The following TASOR variants were observed in gnomAD, a reference collection of about 807,000 sequenced individuals.
The protein encoded by TASOR is transcription activation suppressor.
A neutral mutation model predicts 178.6 loss-of-function variants in TASOR; 53 were observed. The observed-to-expected ratio is 0.30, with a 90% CI of 0.24 to 0.37. The LOEUF is 0.37. Ranked by LOEUF, TASOR falls within the 10% of genes least tolerant of loss-of-function variation. The probability of loss-of-function intolerance (pLI) is 1.00; values close to 1 mark genes in which losing one functional copy is unlikely to be tolerated. For synonymous variants in TASOR, 713 were observed against 696.2 expected (o/e 1.02, Z -0.38); for missense variants, 1,815 against 1,971.4 (o/e 0.92, Z 1.50).
At chr3:56,631,576 G>GTTTTT (rs796072760) in intron 18 of TASOR, among the ~76,000 whole-genome samples, 6 of 111,018 alleles carry the variant, frequency 5.4e-5, no homozygotes, top group South Asian at 2.9e-4. Flanking sequence ...GTGTGTCTGT[G>GTTTTT]TTTTTTTGTT....
Position 56,646,795 on chromosome 3 carries a change from T to A in TASOR, c.1942A>T (p.Thr648Ser), listed in dbSNP as rs2107579020. ...TTTCGTTTTCCAAATTTCATTTTTG[T>A]ACCATTCATTTCTTCTTCTTGACCT... ...YEGQEEEMNGTKMKFGKRNNS... is the reference protein window; with the variant it reads ...YEGQEEEMNGSKMKFGKRNNS... Residue 648 changes from threonine to serine, a missense_variant, in exon 14 of 24, where the codon ACA becomes TCA. Transcript: ENST00000683822. 6.2e-7 allele frequency: 1 copy of A among 1,613,812 alleles called. No homozygotes were observed. Among genetic ancestry groups the A allele is most frequent in the Non-Finnish European group, 8.5e-7 (1 of 1,179,958 alleles).
chr3:56,661,779 A>G (rs770263322), intron 9 of TASOR, among the ~76,000 whole-genome samples: 1 of 151,392 alleles, frequency 6.6e-6, no homozygotes, highest in Non-Finnish European at 1.5e-5. Flanking sequence ...ATAAAAAAAT[A>G]TATCTACTTA....
At chr3:56,647,437 C>T (rs1312806358) in intron 13 of TASOR, among the ~76,000 whole-genome samples, 1 of 151,972 alleles carries the variant, frequency 6.6e-6, no homozygotes, top group Non-Finnish European at 1.5e-5. Flanking sequence ...CAATAAGAAA[C>T]TAAAACAAAT....
chr3:56,672,978 G>A (rs374548713), intron 2 of TASOR, among the ~76,000 whole-genome samples: 18 of 152,014 alleles, frequency 1.2e-4, no homozygotes, highest in African/African-American at 7.2e-5. Flanking sequence ...GTGCCACCAC[G>A]CCTAGCTAAT....
Position 56,682,812 on chromosome 3 carries a change from G to C in TASOR, c.195C>G (p.Ala65=). ...GCTGCTCGTGGCTGAGGCTCTGGGC[G>C]GCCTCGGCCCCCGCGTTCTCCTCAC... ...AGREENAGAE[A]AQSLSHEQPQ... Residue 65 remains alanine (A), a synonymous_variant, in exon 1 of 24, where the codon GCC becomes GCG. Coordinates refer to ENST00000683822, the MANE Select transcript of TASOR (RefSeq NM_001365635.2). 6.5e-7 allele frequency: 1 copy of C among 1,550,386 alleles called. No homozygotes were observed. Among genetic ancestry groups the C allele is most frequent in the Admixed American group, 2.0e-5 (1 of 50,942 alleles).
chr3:56,634,751 CACTCTTG>C (rs2076983978), intron 17 of TASOR, among the ~76,000 whole-genome samples: 1 of 152,172 alleles, frequency 6.6e-6, no homozygotes, highest in Non-Finnish European at 1.5e-5. Flanking sequence ...TAAAACCTTT[CACTCTTG>C]ACAAACAGCT....
intron 14 of TASOR, among the ~76,000 whole-genome samples, chr3:56,643,366 A>G (rs2077167727): frequency 6.6e-6 from 1 of 152,190 alleles, no homozygotes; most frequent in Non-Finnish European, 1.5e-5. Context: ...CTGTACCTCA[A>G]AACAGTTTAT....
intron 18 of TASOR, among the ~76,000 whole-genome samples, chr3:56,630,012 C>T (rs917218929): frequency 1.3e-5 from 2 of 150,552 alleles, no homozygotes; most frequent in African/African-American, 4.9e-5. Flanking sequence ...GTCACCCAGG[C>T]TGCAGTGCAG....
chr3:56,628,708 T>G, intron 18 of TASOR, 94 bp from the exon 19 acceptor site: 1 of 790,434 alleles, frequency 1.3e-6, no homozygotes, highest in South Asian at 1.9e-5. Flanking sequence ...TAAGCTTAAC[T>G]ACTACCATGA....
Position 56,623,246 on chromosome 3 carries a change from A to G in TASOR, c.4804T>C (p.Leu1602=), listed in dbSNP as rs1414198634. The G allele has an allele frequency of 2.5e-6, 4 of 1,613,498 alleles. No homozygotes were observed. Among genetic ancestry groups the G allele is most frequent in the East Asian group, 4.5e-5 (2 of 44,832 alleles). Residue 1602 remains leucine (L), a synonymous_variant, in exon 24 of 24, where the codon TTA becomes CTA. Transcript: ENST00000683822. ...YSNFQVYHSQ[L]NMSHQFSHFN... is the part of the protein sequence containing the mutation. ...TGACTAAACTGATGGGACATATTTA[A>G]TTGACTATGATAAACCTGAAAGTTA...
rs776915441 is a variant in TASOR, at chr3:56,621,520, A to G, written c.*1517T>C. The G allele has an allele frequency of 2.6e-5, 40 of 1,561,220 alleles. No individual in the cohort carries two copies. Among genetic ancestry groups the G allele is most frequent in the Non-Finnish European group, 3.3e-5 (38 of 1,149,110 alleles). On this transcript the variant is annotated 3_prime_UTR_variant, in exon 24 of 24. Transcript: ENST00000683822. ...ACATTTTACTAACAAACATATATCA[A>G]TGTGATTTCAGGGCCTTCTCCAGAA...
In TASOR at chr3:56,621,067, G is replaced by A. The variant is rs2076475187; in HGVS notation, c.*1970C>T. On this transcript the variant is annotated 3_prime_UTR_variant, in exon 24 of 24. Coordinates refer to ENST00000683822, the MANE Select transcript of TASOR (RefSeq NM_001365635.2). ...TAGTCCCAGCCATTCGGGAGGTTGA[G>A]GCAGGAGAATGGTGTGAACCTGGGA... 1 of 152,248 alleles carries A rather than the reference G, an allele frequency of 6.6e-6. No individual in the cohort carries two copies. The highest frequency in any genetic ancestry group is 1.9e-4 in the East Asian group (1 of 5,198). The allele number at this position is 152,248 out of a possible 1,614,324, so 9.4% of individuals were successfully genotyped here.
At chr3:56,628,929 ATT>A (rs58944810) in intron 18 of TASOR, 3,542 of 122,256 alleles carry the variant, frequency 0.029, 52 homozygotes, top group African/African-American at 0.074. Flanking sequence ...TACCAGGCTA[ATT>A]TTTTTTTTTT....
Position 56,663,457 on chromosome 3 carries a change from T to C in TASOR, c.1054+84A>G, listed in dbSNP as rs2077641962. The C allele has an allele frequency of 8.8e-6, 7 of 798,364 alleles. No homozygotes were observed. In the Admixed American group the frequency reaches 2.6e-4, roughly 30 times the overall value. The allele number at this position is 798,364 out of a possible 1,614,324, so 49.5% of individuals were successfully genotyped here. A position where few individuals can be genotyped will look rare whatever the true frequency, so the allele number is the denominator to read the frequency against. ...ATACTTTGCAGATTTTCATTCATTA[T>C]AAAAATAATACAAAGCACTTAATCT... On this transcript the variant is annotated intron_variant, in intron 8 of 23. Coordinates refer to ENST00000683822, the MANE Select transcript of TASOR (RefSeq NM_001365635.2).
chr3:56,661,349 T>C (rs921695536), intron 9 of TASOR, among the ~76,000 whole-genome samples: 9 of 152,038 alleles, frequency 5.9e-5, no homozygotes, highest in Non-Finnish European at 1.0e-4. Flanking sequence ...AGAGACAAGG[T>C]CTCCTTACGT....
chr3:56,634,195 G>A (rs1295702547), intron 17 of TASOR, among the ~76,000 whole-genome samples: 1 of 152,178 alleles, frequency 6.6e-6, no homozygotes, highest in Non-Finnish European at 1.5e-5. Flanking sequence ...CTATTTTGAA[G>A]CGCTCAAGCA....
chr3:56,674,123 G>C (rs925450152), intron 1 of TASOR, among the ~76,000 whole-genome samples: 2 of 146,106 alleles, frequency 1.4e-5, no homozygotes, highest in African/African-American at 5.1e-5. Flanking sequence ...CCTATACCAT[G>C]TATGAGACCA....
chr3:56,677,870 G>A (rs1204553290), intron 1 of TASOR, among the ~76,000 whole-genome samples: 4 of 152,154 alleles, frequency 2.6e-5, no homozygotes, highest in Non-Finnish European at 5.9e-5. Context: ...GTTAACAGCA[G>A]TAGCAATAGA....
At chr3:56,645,944 C>T (rs888327649) in intron 14 of TASOR, among the ~76,000 whole-genome samples, 4 of 152,074 alleles carry the variant, frequency 2.6e-5, no homozygotes, top group Non-Finnish European at 4.4e-5. Context: ...GTCAGGAGAT[C>T]GAGACCATCC....
Sources: gnomAD v4.1 joint callset for allele counts (sites outside exome capture counted in the v4.1 genomes callset) on GRCh38, gnomAD v4.1.1 for gene constraint, MANE v1.5 for transcripts, NCBI Gene and HGNC (gene_info 2026-07-23, HGNC 2026-07-21) for gene names.